Variants in C1QTNF3 observed in about 807,000 individuals in gnomAD.
C1QTNF3 encodes complement C1q tumor necrosis factor-related protein 3.
In C1QTNF3, 26 loss-of-function variants were observed where a neutral mutation model predicts 32.6. That is an observed-to-expected ratio of 0.80 (90% CI 0.58 to 1.11). C1QTNF3 has a LOEUF of 1.11. Ranked by LOEUF, C1QTNF3 falls within the 50% of genes least tolerant of loss-of-function variation. The pLI is 0.00. For synonymous variants in C1QTNF3, 155 were observed against 146.0 expected (o/e 1.06, Z -0.44); for missense variants, 362 against 398.2 (o/e 0.91, Z 0.77).
the C1QTNF3 span, among the ~76,000 whole-genome samples, chr5:34,058,131 G>A: frequency 1.3e-5 from 2 of 152,076 alleles, no homozygotes; most frequent in Admixed American, 6.5e-5. Context: ...CAGCAAATGA[G>A]TCTTCTGGGA....
the C1QTNF3 span, chr5:34,165,709 TCTA>T: frequency 6.6e-6 from 1 of 152,136 alleles, no homozygotes; most frequent in Non-Finnish European, 1.5e-5. Flanking sequence ...TATAACAACT[TCTA>T]CTGAGTATGT....
the C1QTNF3 span, among the ~76,000 whole-genome samples, chr5:34,141,988 G>A: frequency 1.3e-5 from 2 of 152,038 alleles, no homozygotes; most frequent in South Asian, 2.1e-4. Flanking sequence ...AGCAGGGGAG[G>A]AGCCTACACT....
chr5:34,225,654 C>G, the C1QTNF3 span, among the ~76,000 whole-genome samples: 2 of 151,862 alleles, frequency 1.3e-5, no homozygotes, highest in Non-Finnish European at 2.9e-5. Context: ...CTTCTTTACT[C>G]ATAGTCTAAA....
chr5:34,116,678 T>C, the C1QTNF3 span, among the ~76,000 whole-genome samples: 3 of 151,636 alleles, frequency 2.0e-5, no homozygotes, highest in South Asian at 6.3e-4. Context: ...CACTGCAACC[T>C]CCGTCTCCCA....
chr5:34,243,185 G>C, the C1QTNF3 span, among the ~76,000 whole-genome samples: 2 of 152,118 alleles, frequency 1.3e-5, no homozygotes, highest in Non-Finnish European at 2.9e-5. Context: ...CTCAAAAGAA[G>C]ACACTCAAGT....
At chr5:34,164,875 G>A in the C1QTNF3 span, 2 of 150,964 alleles carry the variant, frequency 1.3e-5, no homozygotes, top group Admixed American at 1.3e-4. Flanking sequence ...AGCCTAAAAT[G>A]TAGGAGTTCC....
the C1QTNF3 span, among the ~76,000 whole-genome samples, chr5:34,219,124 A>G: frequency 1.3e-5 from 2 of 152,124 alleles, no homozygotes; most frequent in African/African-American, 4.8e-5. Flanking sequence ...TGCTTTCACT[A>G]TAACAGGAAT....
chr5:34,128,811 G>A, the C1QTNF3 span, among the ~76,000 whole-genome samples: 15 of 152,174 alleles, frequency 9.9e-5, no homozygotes, highest in Non-Finnish European at 2.1e-4. Flanking sequence ...GAAGGGACTT[G>A]TTTGTCTCAG....
At chr5:34,203,493 C>T in the C1QTNF3 span, among the ~76,000 whole-genome samples, 18 of 152,216 alleles carry the variant, frequency 1.2e-4, no homozygotes, top group East Asian at 2.9e-3. Context: ...CGAGGCCAGG[C>T]TGGCCAACAT....
chr5:34,069,777 G>C, the C1QTNF3 span, among the ~76,000 whole-genome samples: 3 of 152,112 alleles, frequency 2.0e-5, no homozygotes, highest in Non-Finnish European at 4.4e-5. Context: ...TTCACAATCA[G>C]AAATAGAAAC....
chr5:34,079,393 T>G, the C1QTNF3 span, among the ~76,000 whole-genome samples: 1 of 151,556 alleles, frequency 6.6e-6, no homozygotes, highest in African/African-American at 2.4e-5. Flanking sequence ...TTTGAGAAAT[T>G]CATATTTTTT....
At chr5:34,178,253 C>G in the C1QTNF3 span, among the ~76,000 whole-genome samples, 4 of 152,144 alleles carry the variant, frequency 2.6e-5, no homozygotes, top group Non-Finnish European at 4.4e-5. Flanking sequence ...TACACTCCAG[C>G]CTGGGTGACA....
chr5:34,174,082 C>T, the C1QTNF3 span, among the ~76,000 whole-genome samples: 1 of 152,184 alleles, frequency 6.6e-6, no homozygotes, highest in African/African-American at 2.4e-5. Context: ...TCTTGAGCCA[C>T]CACCCAGCTC....
the C1QTNF3 span, among the ~76,000 whole-genome samples, chr5:34,214,720 C>T: frequency 2.0e-5 from 3 of 152,068 alleles, no homozygotes; most frequent in Non-Finnish European, 4.4e-5. Context: ...GAGCTATCTC[C>T]TTGAAAACCA....
At chr5:34,146,681 C>G in the C1QTNF3 span, among the ~76,000 whole-genome samples, 2 of 152,116 alleles carry the variant, frequency 1.3e-5, no homozygotes, top group Non-Finnish European at 2.9e-5. Context: ...TCAACTAAAG[C>G]TTTTAAAATA....
At chr5:34,062,679 C>A in the C1QTNF3 span, among the ~76,000 whole-genome samples, 1 of 152,178 alleles carries the variant, frequency 6.6e-6, no homozygotes, top group Non-Finnish European at 1.5e-5. Flanking sequence ...AGCCATTTAT[C>A]GTCCTGTCCT....
At chr5:34,171,322 C>A in the C1QTNF3 span, among the ~76,000 whole-genome samples, 2 of 151,002 alleles carry the variant, frequency 1.3e-5, no homozygotes, top group South Asian at 2.1e-4. Context: ...AGTTATTAAT[C>A]AAAAATTAAC....
chr5:34,055,743 T>C, the C1QTNF3 span, among the ~76,000 whole-genome samples: 1 of 152,220 alleles, frequency 6.6e-6, no homozygotes, highest in African/African-American at 2.4e-5. Context: ...TCTAAGTCCA[T>C]GGGGAATTTA....
chr5:34,056,479 T>TATATAGAGAGAG, the C1QTNF3 span, among the ~76,000 whole-genome samples: 1 of 51,776 alleles, frequency 1.9e-5, no homozygotes, highest in African/African-American at 8.2e-5. Context: ...TATATATATA[T>TATATAGAGAGAG]AGAGAGAGAG....
Sources: allele counts gnomAD v4.1 joint callset (sites outside exome capture counted in the v4.1 genomes callset), GRCh38; gene constraint gnomAD v4.1.1; transcripts MANE v1.5; gene names NCBI Gene and HGNC (gene_info 2026-07-23, HGNC 2026-07-21).